Variants in CNTN5 observed in about 807,000 individuals in gnomAD.
CNTN5 encodes contactin-5.
Under a neutral mutation model 129.1 loss-of-function variants are expected in CNTN5, and 77 were observed. That is an observed-to-expected ratio of 0.60 (90% confidence interval 0.50 to 0.72). The LOEUF is 0.72. Ranked by LOEUF, CNTN5 falls within the 30% of genes least tolerant of loss-of-function variation. The pLI, the probability that CNTN5 is intolerant of heterozygous loss-of-function variation, is 0.00. For synonymous variants in CNTN5, 509 were observed against 465.6 expected, an observed-to-expected ratio of 1.09 and a Z score of -1.20; for missense variants, 1,478 against 1,328.8, an observed-to-expected ratio of 1.11 and a Z score of -1.75.
intron 1 of CNTN5, among the ~76,000 whole-genome samples, chr11:99,032,670 CTTTGTCAGATGAGTAGGTTGCGAAAA>C (rs1311573351): frequency 6.6e-6 from 1 of 151,478 alleles, no homozygotes; most frequent in African/African-American, 2.4e-5. Context: ...GATATTAGCC[CTTTGTCAGATGAGTAGGTTGCGAAAA>C]TTTTCTCCCA....
chr11:99,483,226 A>G (rs1945675217), intron 2 of CNTN5, among the ~76,000 whole-genome samples: 1 of 151,364 alleles, frequency 6.6e-6, no homozygotes, highest in Non-Finnish European at 1.5e-5. Flanking sequence ...AACAAAAGGA[A>G]GTAAAGTGCA....
intron 8 of CNTN5, among the ~76,000 whole-genome samples, chr11:99,966,315 C>A (rs77451831): frequency 4.6e-5 from 7 of 152,106 alleles, no homozygotes; most frequent in African/African-American, 1.7e-4. Flanking sequence ...AAGCTGGGAA[C>A]AAAAATTGCT....
intron 8 of CNTN5, among the ~76,000 whole-genome samples, chr11:99,997,480 C>T (rs1939532975): frequency 6.6e-6 from 1 of 152,118 alleles, no homozygotes; most frequent in African/African-American, 2.4e-5. Flanking sequence ...CTGAATAGAC[C>T]AACAACAGGA....
intron 1 of CNTN5, among the ~76,000 whole-genome samples, chr11:99,109,385 C>T (rs1420909608): frequency 6.6e-6 from 1 of 151,990 alleles, no homozygotes; most frequent in East Asian, 1.9e-4. Flanking sequence ...TACATTTTTT[C>T]ATATGGTGCT....
intron 1 of CNTN5, among the ~76,000 whole-genome samples, chr11:99,095,477 C>G (rs905166005): frequency 6.6e-6 from 1 of 151,680 alleles, no homozygotes; most frequent in African/African-American, 2.4e-5. Context: ...CTTCTTTTAC[C>G]TGGGGCATGT....
chr11:100,060,640 CTT>C (rs10700520), intron 9 of CNTN5, among the ~76,000 whole-genome samples: 33,964 of 137,288 alleles, frequency 0.25, 4,562 homozygotes, highest in East Asian at 0.46. Flanking sequence ...AATTTTTTTT[CTT>C]TTTTTTTTTT....
At chr11:99,215,317 A>T (rs1860059722) in intron 1 of CNTN5, among the ~76,000 whole-genome samples, 1 of 152,190 alleles carries the variant, frequency 6.6e-6, no homozygotes, top group Non-Finnish European at 1.5e-5. Flanking sequence ...ACATGGAAAC[A>T]CAGAGAGCAA....
In CNTN5 at chr11:100,234,836, A is replaced by G. The variant is rs74680106; in HGVS notation, c.2005+10024A>G. Among the ~76,000 whole-genome samples, 1,152 of 151,582 alleles carry G rather than the reference A, an allele frequency of 7.6e-3. 13 individuals carry two copies. The highest frequency in any genetic ancestry group is 0.026 in the African/African-American group (1,091 of 41,304). On this transcript the variant is annotated intron_variant, in intron 16 of 24. Transcript: ENST00000524871. The stretch of plus-strand genomic sequence containing the variant: ...AAAAAAAGAAGAAGAAGGACTTCTA[A>G]ATAAAATGCCACCAGGAAAACTGAG...
chr11:100,136,250 G>A (rs1038515141), intron 13 of CNTN5, among the ~76,000 whole-genome samples: 1 of 78,830 alleles, frequency 1.3e-5, no homozygotes, highest in Non-Finnish European at 2.2e-5. Flanking sequence ...ATTCAAGGCT[G>A]GCTATTTCAA....
In CNTN5 at chr11:99,277,027, T is replaced by C. The variant is rs1161552785; in HGVS notation, c.-209-48319T>C. 4.6e-5 allele frequency among the ~76,000 whole-genome samples: 7 copies of C among 151,664 alleles called. No homozygotes were observed. The Admixed American group carries it at 4.6e-4, about 10-fold the overall frequency. ...TATTTCTATTACTTCCATTTGCCTG[T>C]TTAAACCGTTATTACTAAAGTAAGA... On this transcript the variant is annotated intron_variant, in intron 1 of 24. Coordinates refer to ENST00000524871, the MANE Select transcript of CNTN5 (RefSeq NM_014361.4).
chr11:99,659,972 G>A (rs1952535870), intron 3 of CNTN5, among the ~76,000 whole-genome samples: 1 of 152,046 alleles, frequency 6.6e-6, no homozygotes, highest in Admixed American at 6.6e-5. Context: ...TTAGAAAGGT[G>A]CAAAGGCAAC....
chr11:99,050,790 G>T (rs538220540), intron 1 of CNTN5, among the ~76,000 whole-genome samples: 1 of 151,700 alleles, frequency 6.6e-6, no homozygotes, highest in Admixed American at 6.6e-5. Context: ...TTGAAAAATT[G>T]AATATATGTT....
At chr11:99,971,823 A>C (rs1162816346) in intron 8 of CNTN5, among the ~76,000 whole-genome samples, 1 of 150,624 alleles carries the variant, frequency 6.6e-6, no homozygotes, top group East Asian at 1.9e-4. Context: ...TTTTTAAATT[A>C]TAATATTTAA....
At chr11:99,594,830 T>C (rs187481387) in intron 3 of CNTN5, among the ~76,000 whole-genome samples, 2 of 152,344 alleles carry the variant, frequency 1.3e-5, no homozygotes, top group South Asian at 2.1e-4. Context: ...AGAAAGACCC[T>C]GGTGTGGTAA....
intron 13 of CNTN5, among the ~76,000 whole-genome samples, chr11:100,181,101 A>T (rs908727870): frequency 3.9e-5 from 6 of 152,056 alleles, no homozygotes; most frequent in Non-Finnish European, 8.8e-5. Context: ...ATATCTGTAC[A>T]TCAATGCTTG....
chr11:99,418,347 G>A (rs1465939247), intron 2 of CNTN5, among the ~76,000 whole-genome samples: 1 of 151,946 alleles, frequency 6.6e-6, no homozygotes, highest in African/African-American at 2.4e-5. Flanking sequence ...ATTTTTGCTT[G>A]TTTTGGCACA....
chr11:100,184,785 T>C (rs549364825), intron 13 of CNTN5, among the ~76,000 whole-genome samples: 2 of 152,280 alleles, frequency 1.3e-5, no homozygotes, highest in South Asian at 2.1e-4. Context: ...ATATGATATA[T>C]AGGGATCATT....
At chr11:99,955,951 A>G (rs1432041029) in intron 7 of CNTN5, among the ~76,000 whole-genome samples, 1 of 152,148 alleles carries the variant, frequency 6.6e-6, no homozygotes, top group Non-Finnish European at 1.5e-5. Context: ...TGTGGAAAAC[A>G]GACCTGAAAA....
chr11:100,170,652 T>A (rs1392599184), intron 13 of CNTN5, among the ~76,000 whole-genome samples: 1 of 151,984 alleles, frequency 6.6e-6, no homozygotes, highest in African/African-American at 2.4e-5. Flanking sequence ...GCACTGAGCA[T>A]GTTTTATATT....
Sources: allele counts gnomAD v4.1 joint callset (sites outside exome capture counted in the v4.1 genomes callset), GRCh38; gene constraint gnomAD v4.1.1; transcripts MANE v1.5; gene names NCBI Gene and HGNC (gene_info 2026-07-23, HGNC 2026-07-21).